Variants in PIP5K1A observed in about 807,000 individuals in gnomAD.
PIP5K1A encodes phosphatidylinositol 4-phosphate 5-kinase type-1 alpha.
Under a neutral mutation model 72.9 loss-of-function variants are expected in PIP5K1A, and 46 were observed. The ratio of observed to expected loss-of-function variants is 0.63; its 90% confidence interval spans 0.50 to 0.81. PIP5K1A has a LOEUF of 0.81. Among genes scored for constraint, PIP5K1A ranks in the 30% least tolerant of loss-of-function variants. The pLI is 0.00. For synonymous variants in PIP5K1A, 228 were observed against 255.1 expected (o/e 0.89, Z 1.01); for missense variants, 458 against 706.1 (o/e 0.65, Z 3.98).
Position 151,198,816 on chromosome 1 carries a change from G to A in PIP5K1A, c.-181G>A, listed in dbSNP as rs148362936. The A allele has an allele frequency of 4.6e-4, 310 of 672,938 alleles. 2 individuals are homozygous for A. In the African/African-American group the frequency reaches 4.8e-3, roughly 10 times the overall value. 41.7% of individuals were successfully genotyped at this position (672,938 alleles called of 1,614,324 possible). A position where few individuals can be genotyped will look rare whatever the true frequency, so the allele number is the denominator to read the frequency against. On this transcript the variant is annotated 5_prime_UTR_variant, in exon 1 of 16. The change creates a new upstream start codon in the 5' untranslated region. Coordinates refer to ENST00000368888, the MANE Select transcript of PIP5K1A (RefSeq NM_001135638.2). Reference sequence around the variant, plus strand: ...AGTTCTTCCCCATGCCAGGCGAATGGTGTGGCCTTGAGCTGGTCCAGGAGC... The same window carrying A: ...AGTTCTTCCCCATGCCAGGCGAATGATGTGGCCTTGAGCTGGTCCAGGAGC...
chr1:151,198,824 T>C lies in PIP5K1A; in HGVS notation c.-173T>C. 1 of 691,712 alleles carries C rather than the reference T, an allele frequency of 1.4e-6. No individual in the cohort carries two copies. The highest frequency in any genetic ancestry group is 1.6e-5 in the South Asian group (1 of 60,836). The allele number at this position is 691,712 out of a possible 1,614,324, so 42.8% of individuals were successfully genotyped here. On this transcript the variant is annotated 5_prime_UTR_variant, in exon 1 of 16. Coordinates refer to ENST00000368888, the MANE Select transcript of PIP5K1A (RefSeq NM_001135638.2). ...CCCATGCCAGGCGAATGGTGTGGCC[T>C]TGAGCTGGTCCAGGAGCCGGCTCGA... is the stretch of plus-strand genomic sequence containing the variant.
upstream of PIP5K1A, chr1:151,198,042 C>T (rs1260578995): frequency 2.1e-6 from 1 of 470,642 alleles, no homozygotes; most frequent in Non-Finnish European, 4.4e-6. Flanking sequence ...TACTGAACTC[C>T]GTCACTGTGC....
chr1:151,209,033 CTTT>C (rs1223884492), intron 1 of PIP5K1A, among the ~76,000 whole-genome samples: 1 of 141,546 alleles, frequency 7.1e-6, no homozygotes, highest in Admixed American at 7.1e-5. Flanking sequence ...CGCCTGGCCG[CTTT>C]TTTTTTTTTT....
chr1:151,236,036 G>A (rs948367030), intron 8 of PIP5K1A, among the ~76,000 whole-genome samples: 1 of 149,588 alleles, frequency 6.7e-6, no homozygotes, highest in Non-Finnish European at 1.5e-5. Context: ...CAGGAAAATC[G>A]CTTGAACCAG....
At chr1:151,207,143 T>G (rs1275336152) in intron 1 of PIP5K1A, among the ~76,000 whole-genome samples, 1 of 152,182 alleles carries the variant, frequency 6.6e-6, no homozygotes, top group Non-Finnish European at 1.5e-5. Context: ...GTGCTGGGAT[T>G]ACAGGCGTGA....
Position 151,234,228 on chromosome 1 carries a change from C to T in PIP5K1A, c.671C>T (p.Pro224Leu), listed in dbSNP as rs1570956026. 1 of 1,607,146 alleles carries T rather than the reference C, an allele frequency of 6.2e-7. No individual in the cohort carries two copies. Among genetic ancestry groups the T allele is most frequent in the Non-Finnish European group, 8.5e-7 (1 of 1,174,656 alleles). ...NLNQNPRTLL[P>L]KFYGLYCVQA... is the part of the protein sequence containing the mutation. The stretch of plus-strand genomic sequence containing the variant: ...AACCAGAACCCTCGGACTTTGCTGC[C>T]TAAATTCTATGGACTGTACTGTGTG... The change falls in exon 8 of 16, where the codon CCT becomes CTT. Residue 224 changes from proline (P) to leucine (L), a missense_variant. This residue lies in a region of PIP5K1A where 220 missense variants were observed against 442.6 expected (regional missense o/e 0.50). Coordinates refer to ENST00000368888, the MANE Select transcript of PIP5K1A (RefSeq NM_001135638.2).
Position 151,198,654 on chromosome 1 carries a change from C to G in PIP5K1A, c.-343C>G. The G allele has an allele frequency of 3.2e-6, 1 of 310,438 alleles. No homozygotes were observed. The highest frequency in any genetic ancestry group is 6.1e-6 in the Non-Finnish European group (1 of 164,176). The allele number at this position is 310,438 out of a possible 1,614,324, so 19.2% of individuals were successfully genotyped here. On this transcript the variant is annotated 5_prime_UTR_variant, in exon 1 of 16. Coordinates refer to ENST00000368888, the MANE Select transcript of PIP5K1A (RefSeq NM_001135638.2). ...GGGCGTTCGCTCCTTTGGGACTTTT[C>G]ATGCCTCGTTTTTTTTTCAGATGTG...
intron 1 of PIP5K1A, among the ~76,000 whole-genome samples, chr1:151,211,849 AT>A (rs1180076961): frequency 1.3e-5 from 2 of 150,878 alleles, no homozygotes; most frequent in Non-Finnish European, 2.9e-5. Flanking sequence ...CACGCCTGTA[AT>A]TCCAGCACTT....
chr1:151,225,026 A>G (rs1215611422), intron 3 of PIP5K1A, among the ~76,000 whole-genome samples: 1 of 152,178 alleles, frequency 6.6e-6, no homozygotes, highest in African/African-American at 2.4e-5. Context: ...TAGAACTTGA[A>G]TATCAGGTCT....
chr1:151,228,174 G>A (rs952243711), intron 4 of PIP5K1A, among the ~76,000 whole-genome samples: 1 of 151,468 alleles, frequency 6.6e-6, no homozygotes, highest in East Asian at 1.9e-4. Flanking sequence ...GTGTCAATCT[G>A]TCACCCAGGC....
Position 151,231,965 on chromosome 1 carries a change from T to C in PIP5K1A, c.368+164T>C, listed in dbSNP as rs963156505. 2.6e-5 allele frequency among the ~76,000 whole-genome samples: 4 copies of C among 152,318 alleles called. No individual in the cohort carries two copies. The East Asian group carries it at 5.8e-4, about 22-fold the overall frequency. On this transcript the variant is annotated intron_variant, in intron 5 of 15. Coordinates refer to ENST00000368888, the MANE Select transcript of PIP5K1A (RefSeq NM_001135638.2). ...ACTAGAGAGTTCGGAGAGCAGATACTGTCCTCTAGATGCTTCCATTAGCCT... is the reference window on the plus strand; with the variant it reads ...ACTAGAGAGTTCGGAGAGCAGATACCGTCCTCTAGATGCTTCCATTAGCCT...
intron 13 of PIP5K1A, 64 bp from the exon 14 acceptor site, chr1:151,242,374 A>C: frequency 6.2e-7 from 1 of 1,603,924 alleles, no homozygotes; most frequent in Non-Finnish European, 8.5e-7. Context: ...CTATCCAGGA[A>C]GCCTAGCTGC....
chr1:151,238,439 C>A (rs973223381), intron 10 of PIP5K1A, 174 bp downstream of exon 10: 37 of 584,242 alleles, frequency 6.3e-5, no homozygotes, highest in Middle Eastern at 2.7e-4. Flanking sequence ...TTGCCTCTTT[C>A]CCCGGCCTTT....
intron 1 of PIP5K1A, among the ~76,000 whole-genome samples, chr1:151,215,400 G>A (rs1687451335): frequency 7.1e-6 from 1 of 141,298 alleles, no homozygotes; most frequent in African/African-American, 2.6e-5. Flanking sequence ...AGGCAATCTT[G>A]GCTCACTTCC....
chr1:151,242,599 C>G (rs775119573), intron 14 of PIP5K1A, 32 bp downstream of exon 14: 15 of 1,588,534 alleles, frequency 9.4e-6, no homozygotes, highest in Non-Finnish European at 1.3e-5. Flanking sequence ...TCCATATAAT[C>G]TTATCTCTCT....
At position 151,224,299 on chromosome 1, in the gene PIP5K1A, A is replaced by G. The variant is rs1558267250; in HGVS notation, c.120+20A>G. On this transcript the variant is annotated intron_variant, in intron 2 of 15. Transcript: ENST00000368888. ...TCTGAGGTGAGTTTCATACTGATAC[A>G]ATGGTTACTAAAACCTTAATTCTGG... 1.2e-6 allele frequency: 2 copies of G among 1,611,404 alleles called. No homozygotes were observed. Among genetic ancestry groups the G allele is most frequent in the South Asian group, 2.2e-5 (2 of 91,034 alleles).
intron 7 of PIP5K1A, 90 bp downstream of exon 7, chr1:151,232,793 C>T (rs1364656198): frequency 1.7e-6 from 2 of 1,163,028 alleles, no homozygotes; most frequent in African/African-American, 3.1e-5. Flanking sequence ...ACAGTGTCAG[C>T]ACTTCTATCT....
intron 3 of PIP5K1A, among the ~76,000 whole-genome samples, chr1:151,224,972 A>G (rs886904768): frequency 1.3e-5 from 2 of 152,102 alleles, no homozygotes; most frequent in Non-Finnish European, 2.9e-5. Context: ...CTGTCAGGTG[A>G]TATACTGAGA....
chr1:151,242,240 A>G lies in PIP5K1A; in HGVS notation c.1481A>G (p.Gln494Arg), dbSNP rs1558301139. Residue 494 changes from glutamine to arginine, a missense_variant, in exon 13 of 16, where the codon CAA (glutamine) becomes CGA (arginine). Gln to Arg is a conservative substitution (Grantham distance 43). This residue lies in a region of PIP5K1A where 157 missense variants were observed against 175.5 expected (regional missense o/e 0.89). Coordinates refer to ENST00000368888, the MANE Select transcript of PIP5K1A (RefSeq NM_001135638.2). ...TCGGTCTCTGGGGAACACAAGGCAC[A>G]AGTGACAACAAAGGCAGAAGTGGAG... ...QPSVSGEHKA[Q>R]VTTKAEVEPG... 1 of 1,614,180 alleles carries G rather than the reference A, an allele frequency of 6.2e-7. No individual in the cohort carries two copies. The highest frequency in any genetic ancestry group is 2.2e-5 in the East Asian group (1 of 44,886).
Sources: allele counts gnomAD v4.1 joint callset (sites outside exome capture counted in the v4.1 genomes callset), GRCh38; gene constraint gnomAD v4.1.1; regional missense constraint gnomAD v4.1.1; transcripts MANE v1.5; gene names NCBI Gene and HGNC (gene_info 2026-07-23, HGNC 2026-07-21).